The following MEF2A variants were observed in gnomAD, a reference collection of about 807,000 sequenced individuals.
The protein encoded by MEF2A is myocyte-specific enhancer factor 2A.
In MEF2A, 28 loss-of-function variants were observed where a neutral mutation model predicts 55.8. The observed-to-expected ratio is 0.50, with a 90% CI of 0.37 to 0.69. The LOEUF is 0.69. Ranked by LOEUF, MEF2A falls within the 30% of genes least tolerant of loss-of-function variation. The probability of loss-of-function intolerance (pLI) is 0.00; values close to 1 mark genes in which losing one functional copy is unlikely to be tolerated. For synonymous variants in MEF2A, 239 were observed against 227.1 expected (o/e 1.05, Z -0.47); for missense variants, 528 against 626.2 (o/e 0.84, Z 1.67).
At chr15:99,666,177 G>A (rs1212091120) in intron 4 of MEF2A, among the ~76,000 whole-genome samples, 1 of 151,980 alleles carries the variant, frequency 6.6e-6, no homozygotes, top group East Asian at 1.9e-4. Flanking sequence ...GCAAAGACTG[G>A]GAATCAACCC....
At chr15:99,625,296 T>C (rs2041882230) in intron 2 of MEF2A, among the ~76,000 whole-genome samples, 2 of 152,192 alleles carry the variant, frequency 1.3e-5, no homozygotes, top group African/African-American at 4.8e-5. Context: ...ATTTTGTATT[T>C]TGCTACTTTA....
chr15:99,573,286 CAAAAAAA>C (rs66573508), intron 1 of MEF2A, among the ~76,000 whole-genome samples: 1 of 86,634 alleles, frequency 1.2e-5, no homozygotes, highest in Non-Finnish European at 2.3e-5. Flanking sequence ...GACTCCGTCT[CAAAAAAA>C]AAAAAAAAAA....
At chr15:99,640,387 A>G (rs577222839) in intron 3 of MEF2A, among the ~76,000 whole-genome samples, 18 of 152,262 alleles carry the variant, frequency 1.2e-4, no homozygotes, top group African/African-American at 4.3e-4. Flanking sequence ...AAATTTTGCA[A>G]TACATATTGA....
In MEF2A at chr15:99,714,815, C is replaced by CCA. The variant is rs2059003045; in HGVS notation, c.*2045_*2046insAC. ...ACATTTTGTTCCCCCCCCCCCACCC[C>CCA]CCCCCCAAATTACGTTCCTTTTGAC... On this transcript the variant is annotated 3_prime_UTR_variant, in exon 12 of 12. Transcript: ENST00000557942. The CCA allele has an allele frequency of 8.0e-6, 1 of 125,616 alleles. No individual in the cohort carries two copies. 7.8% of individuals were successfully genotyped at this position (125,616 alleles called of 1,614,324 possible). A position where few individuals can be genotyped will look rare whatever the true frequency, so the allele number is the denominator to read the frequency against.
At chr15:99,578,160 A>C (rs1410403078) in intron 1 of MEF2A, among the ~76,000 whole-genome samples, 1 of 152,174 alleles carries the variant, frequency 6.6e-6, no homozygotes, top group Non-Finnish European at 1.5e-5. Flanking sequence ...TGTGATACCT[A>C]CTACTGTAGT....
chr15:99,615,371 C>T (rs2040016644), intron 2 of MEF2A, among the ~76,000 whole-genome samples: 1 of 152,196 alleles, frequency 6.6e-6, no homozygotes, highest in African/African-American at 2.4e-5. Flanking sequence ...CATTATTTTA[C>T]AGTTTTTAAT....
chr15:99,699,968 G>GTGTGTT (rs1555499717), intron 8 of MEF2A, among the ~76,000 whole-genome samples: 1 of 95,362 alleles, frequency 1.0e-5, no homozygotes, highest in Non-Finnish European at 2.4e-5. Context: ...GTGTGTGTGT[G>GTGTGTT]TGTGTGTGTG....
chr15:99,618,702 TGA>T, intron 2 of MEF2A, among the ~76,000 whole-genome samples: 1 of 152,238 alleles, frequency 6.6e-6, no homozygotes, highest in East Asian at 1.9e-4. Context: ...AACATATCCA[TGA>T]GAGTGAGAAG....
chr15:99,657,324 T>C (rs1167724391), intron 4 of MEF2A: 1 of 147,900 alleles, frequency 6.8e-6, no homozygotes, highest in Non-Finnish European at 1.5e-5. Context: ...AAAAAAAAAA[T>C]AGCAAAAACA....
At chr15:99,653,116 T>C (rs28686815) in intron 4 of MEF2A, among the ~76,000 whole-genome samples, 1,670 of 152,274 alleles carry the variant, frequency 0.011, 29 homozygotes, top group African/African-American at 0.038. Flanking sequence ...AAGCCAGAAG[T>C]TCATTTAGGG....
At chr15:99,685,211 T>A (rs561761512) in intron 7 of MEF2A, among the ~76,000 whole-genome samples, 2 of 152,084 alleles carry the variant, frequency 1.3e-5, no homozygotes, top group Non-Finnish European at 2.9e-5. Flanking sequence ...AGGATTTTTT[T>A]CCCCCCTAGT....
intron 4 of MEF2A, among the ~76,000 whole-genome samples, chr15:99,669,522 G>A (rs2050439190): frequency 6.6e-6 from 1 of 152,178 alleles, no homozygotes; most frequent in African/African-American, 2.4e-5. Flanking sequence ...TTATGGCCAA[G>A]CACACATAAA....
chr15:99,622,041 A>G lies in MEF2A; in HGVS notation c.-142-10937A>G, dbSNP rs771749565. The stretch of plus-strand genomic sequence containing the variant: ...ACAAGTTTCTTTAAAACAGTAAACA[A>G]AATTGAGTTTAAAAGACTGTGAACA... On this transcript the variant is annotated intron_variant, in intron 2 of 11. Transcript: ENST00000557942. 6.6e-5 allele frequency among the ~76,000 whole-genome samples: 10 copies of G among 152,350 alleles called. 1 individual carries two copies. In the Middle Eastern group the frequency reaches 0.01, roughly 155 times the overall value.
chr15:99,599,893 A>G (rs1290331510), intron 2 of MEF2A, among the ~76,000 whole-genome samples: 2 of 152,140 alleles, frequency 1.3e-5, no homozygotes, highest in Non-Finnish European at 2.9e-5. Context: ...AAAATTTTAC[A>G]TTGCATTAGA....
chr15:99,637,343 C>A (rs1057476521), intron 3 of MEF2A, among the ~76,000 whole-genome samples: 1 of 152,034 alleles, frequency 6.6e-6, no homozygotes, highest in African/African-American at 2.4e-5. Flanking sequence ...TTCATTAATT[C>A]TCTCCATAAT....
At chr15:99,614,726 A>G (rs2039903242) in intron 2 of MEF2A, among the ~76,000 whole-genome samples, 1 of 152,196 alleles carries the variant, frequency 6.6e-6, no homozygotes, top group South Asian at 2.1e-4. Context: ...ATACTGAGAC[A>G]CAAAGGATGG....
At chr15:99,569,009 A>G (rs745324660) in intron 1 of MEF2A, among the ~76,000 whole-genome samples, 1 of 152,234 alleles carries the variant, frequency 6.6e-6, no homozygotes, top group Non-Finnish European at 1.5e-5. Context: ...ATGTTTAAAT[A>G]ATAAGTGTAA....
At chr15:99,674,997 T>C (rs2051658961) in intron 6 of MEF2A, among the ~76,000 whole-genome samples, 1 of 152,216 alleles carries the variant, frequency 6.6e-6, no homozygotes, top group African/African-American at 2.4e-5. Context: ...CCTGCCTGAA[T>C]TACTTCATTA....
At chr15:99,649,140 A>G (rs2046441578) in intron 4 of MEF2A, among the ~76,000 whole-genome samples, 1 of 152,106 alleles carries the variant, frequency 6.6e-6, no homozygotes, top group African/African-American at 2.4e-5. Flanking sequence ...AATTCTATAC[A>G]GGTTTATTTT....
Sources: gnomAD v4.1 joint callset for allele counts (sites outside exome capture counted in the v4.1 genomes callset) on GRCh38, gnomAD v4.1.1 for gene constraint, MANE v1.5 for transcripts, NCBI Gene and HGNC (gene_info 2026-07-23, HGNC 2026-07-21) for gene names.